The following LYPD5 variants were observed in gnomAD, a reference collection of about 807,000 sequenced individuals.
LYPD5 encodes LY6/PLAUR domain containing 5, also known as ly6/PLAUR domain-containing protein 5.
LYPD5 carries 21 observed loss-of-function variants against 19.1 expected under a neutral mutation model. The observed-to-expected ratio is 1.10, with a 90% CI of 0.78 to 1.58. LYPD5 has a LOEUF of 1.58. LYPD5 is among the 40% of genes most tolerant of loss of function. LYPD5 has a pLI of 0.00. For missense variants in LYPD5, 287 were observed against 329.8 expected, an observed-to-expected ratio of 0.87 and a Z score of 1.00; for synonymous variants, 128 against 142.7, an observed-to-expected ratio of 0.90 and a Z score of 0.74.
At chr19:43,801,747 A>G (rs1305491670) in intron 1 of LYPD5, among the ~76,000 whole-genome samples, 1 of 152,190 alleles carries the variant, frequency 6.6e-6, no homozygotes, top group African/African-American at 2.4e-5. Context: ...CACATACAGA[A>G]ATCAAACTCT....
upstream of LYPD5, among the ~76,000 whole-genome samples, chr19:43,802,963 C>T (rs1041145323): frequency 1.3e-5 from 2 of 152,094 alleles, no homozygotes; most frequent in African/African-American, 4.8e-5. Context: ...GTCTGAGATA[C>T]CGTATGACTG....
chr19:43,799,132 C>A (rs1047789337), intron 2 of LYPD5, 144 bp from the exon 3 acceptor site: 2 of 931,430 alleles, frequency 2.1e-6, no homozygotes, highest in South Asian at 3.5e-5. Context: ...ACCCCCAGAC[C>A]TTTTCCCCCG....
At chr19:43,811,618 G>A (rs349031) in intron 1 of LYPD5, among the ~76,000 whole-genome samples, 129,809 of 151,986 alleles carry the variant, frequency 0.85, 55,879 homozygotes, top group African/African-American at 0.9. Context: ...CCTGGAAGGC[G>A]GAGGTTGCAG....
At chr19:43,814,739 C>G (rs938656897) in intron 1 of LYPD5, among the ~76,000 whole-genome samples, 9 of 152,222 alleles carry the variant, frequency 5.9e-5, no homozygotes, top group African/African-American at 2.2e-4. Flanking sequence ...AACAACATAG[C>G]TGCAACCAAG....
upstream of LYPD5, among the ~76,000 whole-genome samples, chr19:43,804,170 C>T (rs777913796): frequency 6.6e-6 from 1 of 152,162 alleles, no homozygotes; most frequent in African/African-American, 2.4e-5. Context: ...GGTAAATCTT[C>T]TCCTGGTCTC....
intron 1 of LYPD5, among the ~76,000 whole-genome samples, chr19:43,819,283 C>CTTTTTT (rs560659624): frequency 2.5e-3 from 271 of 110,462 alleles, no homozygotes; most frequent in Non-Finnish European, 3.3e-3. Context: ...TCTTCTTCTT[C>CTTTTTT]TTTTTTTTTT....
chr19:43,809,992 G>T (rs111397027), intron 1 of LYPD5, among the ~76,000 whole-genome samples: 1,950 of 152,294 alleles, frequency 0.013, 38 homozygotes, highest in African/African-American at 0.044. Flanking sequence ...ACTGCCATCT[G>T]CTGGAACATA....
intron 1 of LYPD5, among the ~76,000 whole-genome samples, chr19:43,811,279 A>AG (rs1263100444): frequency 6.9e-6 from 1 of 145,430 alleles, no homozygotes; most frequent in Non-Finnish European, 1.5e-5. Flanking sequence ...CAGGAGATTG[A>AG]GGGAAAAAAA....
intron 1 of LYPD5, among the ~76,000 whole-genome samples, chr19:43,820,202 T>G (rs1255118652): frequency 6.6e-6 from 1 of 152,192 alleles, no homozygotes; most frequent in Non-Finnish European, 1.5e-5. Context: ...TGAGCACACA[T>G]GCAGTCACGA....
chr19:43,815,797 G>A, intron 1 of LYPD5: 1 of 383,672 alleles, frequency 2.6e-6, no homozygotes, highest in Non-Finnish European at 5.0e-6. Context: ...GAGTGCAGTG[G>A]CGCGATCTCA....
intron 1 of LYPD5, among the ~76,000 whole-genome samples, chr19:43,816,167 T>C (rs1216356913): frequency 1.3e-5 from 2 of 152,244 alleles, no homozygotes; most frequent in Non-Finnish European, 2.9e-5. Context: ...TGAGTTGTAA[T>C]AACTTATTCT....
rs142252906 is a variant in LYPD5, at chr19:43,815,227, G to A, written c.-66+5313C>T. 3.9e-4 allele frequency among the ~76,000 whole-genome samples: 60 copies of A among 152,240 alleles called. 1 individual carries two copies. Among genetic ancestry groups the A allele is most frequent in the African/African-American group, 1.3e-3 (53 of 41,550 alleles). ...TGAGTCAGAACAAAATTCCAGGCCA[G>A]TCATGATGGGTCACGCCTGTAATCT... On this transcript the variant is annotated intron_variant, in intron 1 of 4. Coordinates refer to the LYPD5 transcript ENST00000414615.
chr19:43,797,645 T>A lies in LYPD5; in HGVS notation c.702A>T (p.Leu234=), dbSNP rs758816621. 6.2e-7 allele frequency: 1 copy of A among 1,613,278 alleles called. No homozygotes were observed. The highest frequency in any genetic ancestry group is 1.1e-5 in the South Asian group (1 of 91,016). The change falls in exon 5 of 5, where the codon CTA becomes CTT. Residue 234 remains leucine, a synonymous_variant. Transcript: ENST00000377950. ...SASATTPPRA[L]QVLALLLPVL... is the part of the protein sequence containing the mutation. ...CTGGGAGGAGCAGGGCCAGGACCTGTAGTGCTCGGGGAGGGGTGGTGGCTG... is the reference window on the plus strand; with the variant it reads ...CTGGGAGGAGCAGGGCCAGGACCTGAAGTGCTCGGGGAGGGGTGGTGGCTG...
intron 2 of LYPD5, 34 bp from the exon 3 acceptor site, chr19:43,799,022 C>T: frequency 1.3e-6 from 2 of 1,528,588 alleles, no homozygotes; most frequent in Non-Finnish European, 1.8e-6. Flanking sequence ...GCTCTGCTTC[C>T]CGAAACCCTT....
Position 43,797,220 on chromosome 19 carries a change from C to G in LYPD5, c.*371G>C, listed in dbSNP as rs1177438683. The G allele has an allele frequency of 4.9e-6, 1 of 203,424 alleles. No individual in the cohort carries two copies. The highest frequency in any genetic ancestry group is 1.3e-4 in the East Asian group (1 of 7,668). 12.6% of individuals were successfully genotyped at this position (203,424 alleles called of 1,614,324 possible). On this transcript the variant is annotated 3_prime_UTR_variant, in exon 5 of 5. Transcript: ENST00000377950. The stretch of plus-strand genomic sequence containing the variant: ...GCTTATTGGGCTTCTCATGATGACA[C>G]TAATAAAGACATCATTGTATAGCTC...
intron 1 of LYPD5, among the ~76,000 whole-genome samples, chr19:43,815,932 C>T (rs747706379): frequency 3.9e-5 from 6 of 151,962 alleles, no homozygotes; most frequent in Non-Finnish European, 8.8e-5. Context: ...TGGAGTTTCA[C>T]CATGTTGGCC....
intron 4 of LYPD5, among the ~76,000 whole-genome samples, 164 bp from the exon 5 acceptor site, chr19:43,797,993 C>A (rs1050498305): frequency 6.6e-6 from 1 of 151,852 alleles, no homozygotes; most frequent in Non-Finnish European, 1.5e-5. Context: ...CATGCCTCTT[C>A]CCTCAGAACA....
chr19:43,812,866 A>G (rs1371383599), intron 1 of LYPD5, among the ~76,000 whole-genome samples: 1 of 152,286 alleles, frequency 6.6e-6, no homozygotes, highest in Non-Finnish European at 1.5e-5. Flanking sequence ...CTAGGTCATC[A>G]CCATGGAAAT....
upstream of LYPD5, among the ~76,000 whole-genome samples, chr19:43,804,145 C>T (rs185096544): frequency 6.8e-4 from 103 of 152,234 alleles, no homozygotes; most frequent in East Asian, 0.016. Context: ...GCCTTCTCTG[C>T]GCCTTTGAAA....
Sources: allele counts gnomAD v4.1 joint callset (sites outside exome capture counted in the v4.1 genomes callset), GRCh38; gene constraint gnomAD v4.1.1; transcripts MANE v1.5; gene names NCBI Gene and HGNC (gene_info 2026-07-23, HGNC 2026-07-21).